The following RELL1 variants were observed in gnomAD, a reference collection of about 807,000 sequenced individuals.
RELL1 encodes RELT-like protein 1.
In RELL1, 10 loss-of-function variants were observed where a neutral mutation model predicts 23.0. The observed-to-expected ratio is 0.43, with a 90% confidence interval of 0.27 to 0.74. The LOEUF (loss-of-function observed/expected upper bound fraction) is 0.74, where lower values mean the gene tolerates loss of function less well. Among genes scored for constraint, RELL1 ranks in the 30% least tolerant of loss-of-function variants. The pLI, the probability that RELL1 is intolerant of heterozygous loss-of-function variation, is 0.19. For missense variants in RELL1, 315 were observed against 364.4 expected (o/e 0.86, Z 1.10); for synonymous variants, 146 against 146.8 (o/e 0.99, Z 0.04).
At chr4:37,666,053 AT>A (rs1409575823) in intron 1 of RELL1, among the ~76,000 whole-genome samples, 1 of 152,134 alleles carries the variant, frequency 6.6e-6, no homozygotes, top group Admixed American at 6.6e-5. Context: ...GGGGTTTATG[AT>A]TTCCAGATCC....
At chr4:37,626,555 T>G (rs1166159913) in intron 6 of RELL1, among the ~76,000 whole-genome samples, 1 of 152,146 alleles carries the variant, frequency 6.6e-6, no homozygotes, top group Non-Finnish European at 1.5e-5. Context: ...CCAGAGGTAC[T>G]GAAATCAGTA....
At position 37,677,175 on chromosome 4, in the gene RELL1, A is replaced by C. The variant is rs191904721; in HGVS notation, c.88+9025T>G. Among the ~76,000 whole-genome samples, 18 of 152,366 alleles carry C rather than the reference A, an allele frequency of 1.2e-4. No individual in the cohort carries two copies. The East Asian group carries it at 2.9e-3, about 24-fold the overall frequency. ...TCCTCATCCTACATCCAAGGAGCTG[A>C]GAAACCAGGCCCTTGAGCATGAGGA... On this transcript the variant is annotated intron_variant, in intron 1 of 6. Transcript: ENST00000454158.
At chr4:37,683,852 T>C (rs933140104) in intron 1 of RELL1, among the ~76,000 whole-genome samples, 15 of 151,454 alleles carry the variant, frequency 9.9e-5, no homozygotes, top group East Asian at 3.9e-4. Context: ...GAGGCCAAGG[T>C]GGGCGGATCA....
chr4:37,586,677 A>T (rs1464891053), downstream of RELL1, among the ~76,000 whole-genome samples: 1 of 152,244 alleles, frequency 6.6e-6, no homozygotes, highest in Non-Finnish European at 1.5e-5. Flanking sequence ...TCAGAGGCCA[A>T]GGTGGATGGA....
chr4:37,586,884 TG>T (rs1302380022), downstream of RELL1, among the ~76,000 whole-genome samples: 1 of 152,210 alleles, frequency 6.6e-6, no homozygotes, highest in Admixed American at 6.5e-5. Context: ...CACTCCAGCC[TG>T]GGCAACAGAG....
chr4:37,661,297 T>G (rs1027406387), intron 1 of RELL1, among the ~76,000 whole-genome samples: 7 of 139,760 alleles, frequency 5.0e-5, no homozygotes, highest in Admixed American at 2.1e-4. Context: ...TTGTTTGTTT[T>G]TTGAGACAGA....
chr4:37,604,930 C>CAT (rs748765034), intron 6 of RELL1, among the ~76,000 whole-genome samples: 1 of 61,028 alleles, frequency 1.6e-5, no homozygotes, highest in Non-Finnish European at 3.5e-5. Flanking sequence ...GACACACACA[C>CAT]ACAGACACAC....
At chr4:37,632,097 A>AAAAAAAC (rs1720160748) in intron 5 of RELL1, among the ~76,000 whole-genome samples, 1 of 150,472 alleles carries the variant, frequency 6.6e-6, no homozygotes, top group Non-Finnish European at 1.5e-5. Flanking sequence ...AAAAAAAAAA[A>AAAAAAAC]AAAAAAAAAA....
At chr4:37,638,380 G>C (rs539775716) in intron 4 of RELL1, 67 bp downstream of exon 4, 5 of 1,245,228 alleles carry the variant, frequency 4.0e-6, no homozygotes, top group Admixed American at 4.0e-5. Context: ...GAGCATTTCA[G>C]ATGGCGCCAT....
chr4:37,666,936 G>A (rs1468667152), intron 1 of RELL1, among the ~76,000 whole-genome samples: 1 of 152,192 alleles, frequency 6.6e-6, no homozygotes, highest in African/African-American at 2.4e-5. Flanking sequence ...CATAGGAACT[G>A]GAAAAGGAAG....
chr4:37,681,573 G>C (rs1255589922), intron 1 of RELL1, among the ~76,000 whole-genome samples: 1 of 145,018 alleles, frequency 6.9e-6, no homozygotes, highest in Admixed American at 7.2e-5. Context: ...CTGTCACCCA[G>C]GCTGGAGTGC....
chr4:37,647,494 T>A, intron 2 of RELL1, 55 bp from the exon 3 acceptor site: 1 of 1,230,054 alleles, frequency 8.1e-7, no homozygotes, highest in South Asian at 1.2e-5. Context: ...CAGCATCAAG[T>A]CAATCAATCT....
chr4:37,608,061 G>A (rs991378729), downstream of RELL1, among the ~76,000 whole-genome samples: 5 of 152,162 alleles, frequency 3.3e-5, no homozygotes, highest in Admixed American at 6.5e-5. Flanking sequence ...CATGAACTGT[G>A]CCCACATAAA....
rs1560324037 is a variant in RELL1 at position 37,604,914 on chromosome 4, C to CACAG, written c.*4-13698_*4-13697insCTGT. ...ACACACACACAGACACACACACACA[C>CACAG]ACACAGACACACACACACAGACACA... is the stretch of plus-strand genomic sequence containing the variant. On this transcript the variant is annotated intron_variant, in intron 6 of 6. Coordinates refer to the RELL1 transcript ENST00000314117. Among the ~76,000 whole-genome samples the CACAG allele has an allele frequency of 3.1e-4, 13 of 42,030 alleles. 1 individual carries two copies. The Admixed American group carries it at 4.1e-3, about 13-fold the overall frequency. The allele number at this position is 42,030 out of a possible 152,430, so 27.6% of individuals were successfully genotyped here.
intron 3 of RELL1, among the ~76,000 whole-genome samples, chr4:37,645,393 CT>C (rs1214670162): frequency 2.6e-5 from 4 of 152,202 alleles, no homozygotes; most frequent in South Asian, 2.1e-4. Context: ...TTCAAAAGCA[CT>C]TTTTTTTCAT....
intron 4 of RELL1, 88 bp from the exon 5 acceptor site, chr4:37,635,211 T>G: frequency 9.2e-7 from 1 of 1,087,572 alleles, no homozygotes; most frequent in Non-Finnish European, 1.4e-6. Context: ...CAGAAGCAGT[T>G]TAAATTGAAA....
downstream of RELL1, chr4:37,590,512 G>A: frequency 1.2e-6 from 2 of 1,614,174 alleles, no homozygotes; most frequent in Non-Finnish European, 1.7e-6. Context: ...GCTGGCCTCA[G>A]AAGGGACCCA....
At chr4:37,675,943 G>C (rs1452086306) in intron 1 of RELL1, among the ~76,000 whole-genome samples, 3 of 152,146 alleles carry the variant, frequency 2.0e-5, no homozygotes, top group African/African-American at 4.8e-5. Context: ...CTTCCAGCTG[G>C]ACTTCTGAAC....
chr4:37,590,852 T>C, exon 7 of RELL1: 1 of 1,614,214 alleles, frequency 6.2e-7, no homozygotes, highest in South Asian at 1.1e-5. Flanking sequence ...GCCATGCCTG[T>C]GGTTGACTCA....
Sources: allele counts gnomAD v4.1 joint callset (sites outside exome capture counted in the v4.1 genomes callset), GRCh38; gene constraint gnomAD v4.1.1; transcripts MANE v1.5; gene names NCBI Gene and HGNC (gene_info 2026-07-23, HGNC 2026-07-21).